CDK14: variants seen among roughly 807,000 people sequenced by gnomAD.
CDK14 encodes the protein cyclin-dependent kinase 14.
A neutral mutation model predicts 60.7 loss-of-function variants in CDK14; 34 were observed. The ratio of observed to expected loss-of-function variants is 0.56; its 90% CI spans 0.43 to 0.75. CDK14 has a LOEUF of 0.75. Ranked by LOEUF, CDK14 falls within the 30% of genes least tolerant of loss-of-function variation. The pLI is 0.00. For synonymous variants in CDK14, 197 were observed against 203.7 expected, an observed-to-expected ratio of 0.97 and a Z score of 0.28; for missense variants, 482 against 564.1, an observed-to-expected ratio of 0.85 and a Z score of 1.47.
At chr7:90,646,713 A>G (rs918613053) in intron 2 of CDK14, among the ~76,000 whole-genome samples, 6 of 152,250 alleles carry the variant, frequency 3.9e-5, no homozygotes, top group Non-Finnish European at 7.4e-5. Context: ...AGTGTTTTAT[A>G]TCAGCATGTA....
chr7:91,055,953 G>A (rs1363483398), intron 11 of CDK14, among the ~76,000 whole-genome samples: 1 of 152,114 alleles, frequency 6.6e-6, no homozygotes, highest in Non-Finnish European at 1.5e-5. Context: ...AATGTTTTAT[G>A]TTTATCCTTC....
intron 8 of CDK14, among the ~76,000 whole-genome samples, chr7:90,919,190 T>C (rs1277006344): frequency 1.3e-5 from 2 of 152,190 alleles, no homozygotes; most frequent in Middle Eastern, 3.2e-3. Flanking sequence ...GATTTTCTTA[T>C]GGTGTGTTAA....
intron 14 of CDK14, among the ~76,000 whole-genome samples, chr7:91,134,131 G>A (rs1422722873): frequency 1.3e-5 from 2 of 152,014 alleles, no homozygotes; most frequent in Non-Finnish European, 2.9e-5. Context: ...GTGGGGGGAG[G>A]GCATTGAGTC....
chr7:90,746,766 CA>C (rs202239548), intron 3 of CDK14, among the ~76,000 whole-genome samples: 2,330 of 152,172 alleles, frequency 0.015, 21 homozygotes, highest in Middle Eastern at 0.028. Context: ...TCTCTCTTAG[CA>C]TTTTTTTTGG....
rs146424590 is a variant in CDK14, at chr7:90,814,579, C to T, written c.544+23927C>T. ...AGGCAGATCGCTGAGGTCAGGAGTT[C>T]GAGACCAGCCTGGCCAACATGGTGA... On this transcript the variant is annotated intron_variant, in intron 5 of 14. Transcript: ENST00000380050. Among the ~76,000 whole-genome samples the T allele has an allele frequency of 7.7e-3, 1,167 of 152,066 alleles. 22 individuals are homozygous for T. The highest frequency in any genetic ancestry group is 0.027 in the African/African-American group (1,128 of 41,494).
intron 14 of CDK14, among the ~76,000 whole-genome samples, chr7:91,190,467 C>G (rs1487935403): frequency 1.3e-5 from 2 of 152,060 alleles, no homozygotes; most frequent in Non-Finnish European, 2.9e-5. Context: ...AAAAGTCATT[C>G]TTTGTTATTT....
chr7:90,662,761 A>T (rs568629588), intron 2 of CDK14, among the ~76,000 whole-genome samples: 5 of 152,190 alleles, frequency 3.3e-5, no homozygotes, highest in Admixed American at 2.0e-4. Flanking sequence ...TTTATAAGAG[A>T]GGAAATATTT....
intron 3 of CDK14, among the ~76,000 whole-genome samples, chr7:90,741,091 T>C (rs1165499685): frequency 6.6e-6 from 1 of 152,144 alleles, no homozygotes; most frequent in Admixed American, 6.5e-5. Flanking sequence ...ATTGAATGCT[T>C]GGTTAGGAAA....
chr7:90,986,023 G>T (rs1795364178), intron 10 of CDK14, among the ~76,000 whole-genome samples: 1 of 151,820 alleles, frequency 6.6e-6, no homozygotes, highest in Non-Finnish European at 1.5e-5. Flanking sequence ...ACCACATCTA[G>T]TATTTGGACA....
chr7:91,097,102 C>T (rs10278638), intron 12 of CDK14, among the ~76,000 whole-genome samples: 2,130 of 152,130 alleles, frequency 0.014, 48 homozygotes, highest in African/African-American at 0.048. Context: ...ATATTCGGGC[C>T]GGACACAGTG....
At chr7:90,811,136 C>CA (rs1789085742) in intron 5 of CDK14, among the ~76,000 whole-genome samples, 2 of 152,040 alleles carry the variant, frequency 1.3e-5, no homozygotes, top group Admixed American at 6.6e-5. Flanking sequence ...TATGTGGAAC[C>CA]AAAAAAGAGC....
At chr7:91,192,874 C>T (rs1004180590) in intron 14 of CDK14, among the ~76,000 whole-genome samples, 30 of 152,112 alleles carry the variant, frequency 2.0e-4, no homozygotes, top group Non-Finnish European at 3.5e-4. Context: ...TAAATAGGGA[C>T]CCACACTGCC....
At chr7:90,956,243 G>GT (rs1584165328) in intron 9 of CDK14, among the ~76,000 whole-genome samples, 1 of 152,168 alleles carries the variant, frequency 6.6e-6, no homozygotes, top group East Asian at 1.9e-4. Context: ...TTGACTCACA[G>GT]TATGTACTTG....
intron 8 of CDK14, among the ~76,000 whole-genome samples, chr7:90,953,984 A>G (rs60188670): frequency 0.15 from 23,465 of 152,238 alleles, 1,928 homozygotes; most frequent in Non-Finnish European, 0.18. Context: ...AGGTTGTTAT[A>G]GAAATCTATT....
At chr7:91,058,768 TG>T (rs750788753) in intron 11 of CDK14, among the ~76,000 whole-genome samples, 13 of 152,330 alleles carry the variant, frequency 8.5e-5, no homozygotes, top group East Asian at 5.8e-4. Context: ...TTGATCATGA[TG>T]GATAAGCTTT....
chr7:90,883,915 C>G (rs1181409854), intron 6 of CDK14, among the ~76,000 whole-genome samples: 2 of 152,132 alleles, frequency 1.3e-5, no homozygotes, highest in Admixed American at 6.6e-5. Context: ...TCTCAATAGA[C>G]TAGATATTGA....
At chr7:91,185,282 A>G (rs887115956) in intron 14 of CDK14, among the ~76,000 whole-genome samples, 2 of 134,042 alleles carry the variant, frequency 1.5e-5, no homozygotes, top group Non-Finnish European at 3.4e-5. Context: ...ATCCTACAAA[A>G]CCCAGCTCAG....
At chr7:91,015,938 A>C (rs1367554596) in intron 10 of CDK14, among the ~76,000 whole-genome samples, 1 of 152,194 alleles carries the variant, frequency 6.6e-6, no homozygotes, top group Non-Finnish European at 1.5e-5. Flanking sequence ...TGGGGTTGAC[A>C]TGTACTATAT....
At chr7:90,863,104 A>C (rs528006167) in intron 5 of CDK14, 71 bp from the exon 6 acceptor site, 7 of 780,144 alleles carry the variant, frequency 9.0e-6, no homozygotes, top group East Asian at 8.0e-5. Flanking sequence ...CAGTGTGCCA[A>C]AATTATAATG....
Sources: gnomAD v4.1 joint callset for allele counts (sites outside exome capture counted in the v4.1 genomes callset) on GRCh38, gnomAD v4.1.1 for gene constraint, MANE v1.5 for transcripts, NCBI Gene and HGNC (gene_info 2026-07-23, HGNC 2026-07-21) for gene names.